Variants in COL1A2 observed in about 807,000 individuals in gnomAD.
COL1A2 encodes collagen type I alpha 2 chain, also known as collagen alpha-2(I) chain.
In COL1A2, 49 loss-of-function variants were observed where a neutral mutation model predicts 174.3. The ratio of observed to expected loss-of-function variants is 0.28; its 90% CI spans 0.22 to 0.36. The LOEUF is 0.36. Among genes scored for constraint, COL1A2 ranks in the 10% least tolerant of loss-of-function variants. The probability of loss-of-function intolerance (pLI) is 1.00; values close to 1 mark genes in which losing one functional copy is unlikely to be tolerated. For missense variants in COL1A2, 1,438 were observed against 1,822.7 expected (o/e 0.79, Z 3.84); for synonymous variants, 655 against 606.6 (o/e 1.08, Z -1.17).
At chr7:94,400,676 C>T (rs1292792048) in intron 5 of COL1A2, among the ~76,000 whole-genome samples, 2 of 152,194 alleles carry the variant, frequency 1.3e-5, no homozygotes, top group Non-Finnish European at 2.9e-5. Flanking sequence ...TTCTCCTTGA[C>T]TTGAAGTCTG....
In COL1A2 at chr7:94,398,924, T is replaced by C; in HGVS notation, c.97-125T>C. On this transcript the variant is annotated intron_variant, in intron 3 of 51. Transcript: ENST00000297268. ...TATTGCATTGTGTCAATTTTTTATA[T>C]GCTATCTAATAACATTGTAGTTACA... The C allele has an allele frequency of 3.4e-6, 3 of 882,574 alleles. No homozygotes were observed. In the South Asian group the frequency reaches 4.2e-5, roughly 12 times the overall value. 54.7% of individuals were successfully genotyped at this position (882,574 alleles called of 1,614,324 possible).
At position 94,404,236 on chromosome 7, in the gene COL1A2, A is replaced by G. The variant is rs368476446; in HGVS notation, c.280-320A>G. Among the ~76,000 whole-genome samples the G allele has an allele frequency of 6.0e-4, 92 of 152,354 alleles. No homozygotes were observed. The Middle Eastern group carries it at 0.014, about 23-fold the overall frequency. ...CATCTGCTGTATAGAAGACAATTGT[A>G]TATTCTGCACTTCTGCAAAGACTGA... is the stretch of plus-strand genomic sequence containing the variant. On this transcript the variant is annotated intron_variant, in intron 6 of 51. Coordinates refer to ENST00000297268, the MANE Select transcript of COL1A2 (RefSeq NM_000089.4).
chr7:94,426,101 C>A, intron 45 of COL1A2, 50 bp downstream of exon 45: 3 of 1,479,166 alleles, frequency 2.0e-6, no homozygotes, highest in Non-Finnish European at 2.8e-6. Context: ...TAGAGAGAAT[C>A]AGTCCAAAAC....
chr7:94,400,136 T>C (rs750541300), intron 4 of COL1A2, 60 bp from the exon 5 acceptor site: 1 of 1,495,292 alleles, frequency 6.7e-7, no homozygotes, highest in East Asian at 2.3e-5. Context: ...TTACCACATA[T>C]AATTCTTAGG....
intron 1 of COL1A2, among the ~76,000 whole-genome samples, chr7:94,397,271 G>A (rs1020483059): frequency 1.3e-5 from 2 of 152,054 alleles, no homozygotes; most frequent in African/African-American, 4.8e-5. Context: ...CAGCTTCAAT[G>A]TTTCATAAAA....
In COL1A2 at chr7:94,412,074, C is replaced by T. The variant is rs747250303; in HGVS notation, c.1357C>T (p.Pro453Ser). 1 of 1,611,870 alleles carries T rather than the reference C, an allele frequency of 6.2e-7. No homozygotes were observed. Among genetic ancestry groups the T allele is most frequent in the South Asian group, 1.1e-5 (1 of 90,610 alleles). Residue 453 changes from proline to serine, a missense_variant, in exon 24 of 52, where the codon CCT (proline) becomes TCT (serine). Pro to Ser is a moderately conservative substitution (Grantham distance 74). This residue lies in a region of COL1A2 where 867 missense variants were observed against 1,213.7 expected (regional missense o/e 0.71). Coordinates refer to ENST00000297268, the MANE Select transcript of COL1A2 (RefSeq NM_000089.4). ...ATCCTCATTTATTTTATAGGGTCTT[C>T]CTGGTTCCCCTGGAAATATCGGCCC... ...EPGLMGPRGLPGSPGNIGPAG... is the reference protein window; with the variant it reads ...EPGLMGPRGLSGSPGNIGPAG...
intron 46 of COL1A2, 170 bp from the exon 47 acceptor site, chr7:94,426,838 A>T: frequency 3.0e-6 from 2 of 673,218 alleles, no homozygotes; most frequent in Non-Finnish European, 5.1e-6. Flanking sequence ...TGTGAAAAAA[A>T]AATTGAATAT....
At chr7:94,409,502 G>T in intron 17 of COL1A2, 62 bp from the exon 18 acceptor site, 1 of 1,611,888 alleles carries the variant, frequency 6.2e-7, no homozygotes, top group South Asian at 1.1e-5. Context: ...TGAAGATGGG[G>T]TCAAAGAAGA....
At chr7:94,395,969 A>C (rs1458788299) in intron 1 of COL1A2, among the ~76,000 whole-genome samples, 1 of 152,172 alleles carries the variant, frequency 6.6e-6, no homozygotes, top group East Asian at 1.9e-4. Flanking sequence ...AGAAATATCA[A>C]CATTGAGATG....
At chr7:94,427,331 C>A (rs759166427) in intron 48 of COL1A2, 36 bp downstream of exon 48, 1 of 1,543,484 alleles carries the variant, frequency 6.5e-7, no homozygotes, top group Admixed American at 1.8e-5. Flanking sequence ...AAGAAGATCA[C>A]GGACCTAAGG....
intron 9 of COL1A2, 89 bp downstream of exon 9, chr7:94,404,981 C>G (rs752745935): frequency 1.4e-6 from 2 of 1,455,704 alleles, no homozygotes; most frequent in Middle Eastern, 1.8e-4. Context: ...AGTATTCTGC[C>G]AAAAGCTGAA....
In COL1A2 at chr7:94,421,001, G is replaced by T; in HGVS notation, c.2296-8G>T. On this transcript the variant is annotated splice_polypyrimidine_tract_variant and splice_region_variant and intron_variant, in intron 37 of 51. Coordinates refer to ENST00000297268, the MANE Select transcript of COL1A2 (RefSeq NM_000089.4). The stretch of plus-strand genomic sequence containing the variant: ...GTGATTTGACTCCATCTTTTTGTTT[G>T]CATTTAGGGTCCAAATGGTCCCCCC... 1 of 1,613,938 alleles carries T rather than the reference G, an allele frequency of 6.2e-7. No individual in the cohort carries two copies. Among genetic ancestry groups the T allele is most frequent in the Non-Finnish European group, 8.5e-7 (1 of 1,179,896 alleles).
At chr7:94,425,553 G>A in intron 42 of COL1A2, 57 bp from the exon 43 acceptor site, 1 of 1,541,494 alleles carries the variant, frequency 6.5e-7, no homozygotes, top group Non-Finnish European at 9.0e-7. Flanking sequence ...TACAACATAG[G>A]GGCTGGTAGG....
At chr7:94,417,958 T>G in intron 32 of COL1A2, 127 bp downstream of exon 32, 1 of 781,052 alleles carries the variant, frequency 1.3e-6, no homozygotes, top group Non-Finnish European at 2.2e-6. Flanking sequence ...TATATACATT[T>G]CCCTCTGCCA....
intron 42 of COL1A2, 70 bp from the exon 43 acceptor site, chr7:94,425,540 A>G: frequency 6.8e-7 from 1 of 1,468,090 alleles, no homozygotes; most frequent in Admixed American, 1.7e-5. Context: ...AAGACAGAGT[A>G]GCTACAACAT....
rs894639084 is a variant in COL1A2, at chr7:94,425,942, G to C, written c.2944-56G>C. 17 of 1,606,200 alleles carry C rather than the reference G, an allele frequency of 1.1e-5. No individual in the cohort carries two copies. In the African/African-American group the frequency reaches 2.1e-4, roughly 20 times the overall value. ...CCCCACACTTGGGGATGGTGGAGGA[G>C]TGGGGAGGGGTATCTTGGGCCTAGC... On this transcript the variant is annotated intron_variant, in intron 44 of 51. Transcript: ENST00000297268.
In COL1A2 at chr7:94,409,416, C is replaced by G; in HGVS notation, c.887C>G (p.Pro296Arg). ...GLPGLSGPVG[P>R]PGNPGANGLT... ...CCAGGCCTCTCCGGCCCCGTTGGAC[C>G]TCCTGTAAGTAGCCACTGTCTTTAA... Residue 296 changes from proline (P) to arginine (R), a missense_variant, in exon 17 of 52, where the codon CCT becomes CGT. By Grantham distance (103) the Pro-to-Arg change is moderately radical. Coordinates refer to ENST00000297268, the MANE Select transcript of COL1A2 (RefSeq NM_000089.4). The G allele has an allele frequency of 6.2e-7, 1 of 1,614,092 alleles. No homozygotes were observed. The highest frequency in any genetic ancestry group is 8.5e-7 in the Non-Finnish European group (1 of 1,179,972).
chr7:94,423,786 G>C (rs186949332), intron 40 of COL1A2: 126 of 165,446 alleles, frequency 7.6e-4, no homozygotes, highest in African/African-American at 2.6e-3. Flanking sequence ...GTAAAGACGG[G>C]GTTTCACCAT....
In COL1A2 at chr7:94,428,205, G is replaced by A. The variant is rs940555180; in HGVS notation, c.3527-88G>A. 2.6e-6 allele frequency: 3 copies of A among 1,160,282 alleles called. No individual in the cohort carries two copies. In the East Asian group the frequency reaches 7.0e-5, roughly 27 times the overall value. The allele number at this position is 1,160,282 out of a possible 1,614,324, so 71.9% of individuals were successfully genotyped here. A position where few individuals can be genotyped will look rare whatever the true frequency, so the allele number is the denominator to read the frequency against. On this transcript the variant is annotated intron_variant, in intron 49 of 51. Coordinates refer to ENST00000297268, the MANE Select transcript of COL1A2 (RefSeq NM_000089.4). ...GTAGACAATCAAAAATGTTACTTAT[G>A]AGAGTCAGTATCTTTCATTAGTTAT...
Sources: gnomAD v4.1 joint callset for allele counts (sites outside exome capture counted in the v4.1 genomes callset) on GRCh38, gnomAD v4.1.1 for gene constraint, gnomAD v4.1.1 regional missense constraint, MANE v1.5 for transcripts, NCBI Gene and HGNC (gene_info 2026-07-23, HGNC 2026-07-21) for gene names.